Variants in PHF14 observed in about 807,000 individuals in gnomAD.
PHF14 encodes the protein PHD finger protein 14.
A neutral mutation model predicts 117.9 loss-of-function variants in PHF14; 55 were observed. The ratio of observed to expected loss-of-function variants is 0.47; its 90% confidence interval spans 0.38 to 0.58. PHF14 has a LOEUF of 0.58. Ranked by LOEUF, PHF14 falls within the 20% of genes least tolerant of loss-of-function variation. The pLI is 0.00. For missense variants in PHF14, 978 were observed against 1,122.2 expected (o/e 0.87, Z 1.84); for synonymous variants, 409 against 368.6 (o/e 1.11, Z -1.26).
At position 11,051,583 on chromosome 7, in the gene PHF14, C is replaced by A. The variant is rs751590109; in HGVS notation, c.2313-29C>A. ...TAAAGCCAGAAGATAATAATAAATG[C>A]ATGACTTAAATTTTTCCCCTTTATG... On this transcript the variant is annotated intron_variant, in intron 13 of 17. Coordinates refer to ENST00000634607, the MANE Select transcript of PHF14 (RefSeq NM_001007157.2). 1.9e-6 allele frequency: 3 copies of A among 1,574,340 alleles called. No homozygotes were observed. The Admixed American group carries it at 5.4e-5, about 29-fold the overall frequency.
At chr7:11,061,767 G>GTT (rs74274151) in intron 14 of PHF14, 24 bp from the exon 15 acceptor site, 912 of 1,151,454 alleles carry the variant, frequency 7.9e-4, no homozygotes, top group South Asian at 2.5e-3. Flanking sequence ...TTTGTTTTTT[G>GTT]TTTTTTTTTT....
chr7:11,151,446 C>T (rs1404391355), intron 17 of PHF14, among the ~76,000 whole-genome samples: 1 of 152,082 alleles, frequency 6.6e-6, no homozygotes, highest in Non-Finnish European at 1.5e-5. Flanking sequence ...ATAGTTCCAA[C>T]TACTTGGGGA....
intron 10 of PHF14, among the ~76,000 whole-genome samples, chr7:11,038,209 C>G (rs139941640): frequency 1.3e-5 from 2 of 151,840 alleles, no homozygotes; most frequent in South Asian, 2.1e-4. Flanking sequence ...GTCAAGAGAT[C>G]GAGACCATCC....
In PHF14 at chr7:11,035,800, G is replaced by T; in HGVS notation, c.1602+14G>T. ...CCAGAAGCACAGGTATGGGATTCAT[G>T]TCAAAACCCGTATGTTTTTGTTTTA... On this transcript the variant is annotated intron_variant, in intron 8 of 17. Coordinates refer to ENST00000634607, the MANE Select transcript of PHF14 (RefSeq NM_001007157.2). 1 of 1,561,546 alleles carries T rather than the reference G, an allele frequency of 6.4e-7. No homozygotes were observed. Among genetic ancestry groups the T allele is most frequent in the Non-Finnish European group, 8.7e-7 (1 of 1,151,306 alleles).
At position 11,054,023 on chromosome 7, in the gene PHF14, C is replaced by CA. The variant is rs879351207; in HGVS notation, c.2481+2255dup. Among the ~76,000 whole-genome samples, 1,198 of 140,824 alleles carry CA rather than the reference C, an allele frequency of 8.5e-3. 14 individuals carry two copies. The highest frequency in any genetic ancestry group is 0.023 in the African/African-American group (897 of 38,466). 92.4% of individuals were successfully genotyped at this position (140,824 alleles called of 152,430 possible). On this transcript the variant is annotated intron_variant, in intron 14 of 17. Coordinates refer to ENST00000634607, the MANE Select transcript of PHF14 (RefSeq NM_001007157.2). ...GAAATTCCAATGCATGTTGAAGCTC[C>CA]AAAAAAAAAAAATCCTAATATTTAG...
Position 11,169,432 on chromosome 7 carries a change from C to A in PHF14, c.2789C>A (p.Ala930Asp). ...SSSSKEDENE[A>D]ERKNISQELN... ...ATTTCACAGGAAGATGAAAATGAAG[C>A]TGAAAGAAAAAATATATCTCAGGAG... Residue 930 changes from alanine to aspartate, a missense_variant, in exon 18 of 18, where the codon GCT (alanine) becomes GAT (aspartate). Coordinates refer to ENST00000634607, the MANE Select transcript of PHF14 (RefSeq NM_001007157.2). 1 of 1,471,494 alleles carries A rather than the reference C, an allele frequency of 6.8e-7. No individual in the cohort carries two copies. Among genetic ancestry groups the A allele is most frequent in the Non-Finnish European group, 9.3e-7 (1 of 1,079,340 alleles). 91.2% of individuals were successfully genotyped at this position (1,471,494 alleles called of 1,614,324 possible). A position where few individuals can be genotyped will look rare whatever the true frequency, so the allele number is the denominator to read the frequency against.
At chr7:11,062,854 C>G in intron 16 of PHF14, 1 of 984,882 alleles carries the variant, frequency 1.0e-6, no homozygotes, top group South Asian at 4.7e-5. Flanking sequence ...GACAGTGTCA[C>G]AAAAGTTCTT....
At chr7:11,147,868 T>C (rs747791334) in intron 17 of PHF14, among the ~76,000 whole-genome samples, 1 of 152,166 alleles carries the variant, frequency 6.6e-6, no homozygotes, top group African/African-American at 2.4e-5. Context: ...AATGTTTGCC[T>C]GACATTCCCA....
At chr7:11,010,982 G>C (rs1783336099) in intron 4 of PHF14, among the ~76,000 whole-genome samples, 1 of 152,148 alleles carries the variant, frequency 6.6e-6, no homozygotes, top group Non-Finnish European at 1.5e-5. Flanking sequence ...AAAATTCACT[G>C]TTATAAAACC....
intron 14 of PHF14, among the ~76,000 whole-genome samples, chr7:11,056,569 T>G (rs891608613): frequency 6.6e-6 from 1 of 152,036 alleles, no homozygotes; most frequent in Non-Finnish European, 1.5e-5. Context: ...CCATTGGTTG[T>G]TTATTGGTAG....
chr7:11,051,660 T>A lies in PHF14; in HGVS notation c.2361T>A (p.Asp787Glu). 6.2e-7 allele frequency: 1 copy of A among 1,613,586 alleles called. No homozygotes were observed. The highest frequency in any genetic ancestry group is 8.5e-7 in the Non-Finnish European group (1 of 1,179,716). Residue 787 changes from aspartate to glutamate, a missense_variant, in exon 14 of 18, where the codon GAT (aspartate) becomes GAA (glutamate). Coordinates refer to ENST00000634607, the MANE Select transcript of PHF14 (RefSeq NM_001007157.2). The stretch of plus-strand genomic sequence containing the variant: ...CAGGGAGCAGTGACATGGAAGCAGA[T>A]ATGGCCATGGAAACCCTACCAGATG... Reference protein sequence around the residue: ...DQAGSSDMEADMAMETLPDGT... With the variant: ...DQAGSSDMEAEMAMETLPDGT...
intron 17 of PHF14, among the ~76,000 whole-genome samples, chr7:11,153,863 G>T (rs997294577): frequency 4.6e-5 from 7 of 152,088 alleles, no homozygotes; most frequent in Admixed American, 4.6e-4. Flanking sequence ...ATGGCCACAA[G>T]ATGGCTACAG....
At chr7:11,164,553 C>T (rs1789145392) in intron 17 of PHF14, among the ~76,000 whole-genome samples, 1 of 152,160 alleles carries the variant, frequency 6.6e-6, no homozygotes. Context: ...TGTTCCCATA[C>T]ATTTTACTTA....
intron 6 of PHF14, 121 bp from the exon 7 acceptor site, chr7:11,028,560 C>T: frequency 2.4e-6 from 2 of 850,516 alleles, no homozygotes; most frequent in Non-Finnish European, 3.7e-6. Context: ...TGTATTGGTA[C>T]ATAATTGGTT....
intron 16 of PHF14, among the ~76,000 whole-genome samples, chr7:11,090,455 G>T (rs553405492): frequency 6.6e-6 from 1 of 152,060 alleles, no homozygotes; most frequent in African/African-American, 2.4e-5. Context: ...TCCTTTTCAG[G>T]TTACTCATTT....
At chr7:11,136,103 CCTTT>C (rs1345579437) in intron 17 of PHF14, among the ~76,000 whole-genome samples, 3 of 152,048 alleles carry the variant, frequency 2.0e-5, no homozygotes, top group Admixed American at 6.6e-5. Flanking sequence ...AGCTTCTTGT[CCTTT>C]CTTCTATTTG....
chr7:11,019,103 G>A (rs1272546915), intron 5 of PHF14, among the ~76,000 whole-genome samples: 8 of 152,048 alleles, frequency 5.3e-5, no homozygotes, highest in Non-Finnish European at 1.0e-4. Context: ...TGGTCATAAT[G>A]ATCTTTCTAA....
intron 17 of PHF14, among the ~76,000 whole-genome samples, chr7:11,123,507 C>T (rs528897073): frequency 3.9e-5 from 6 of 152,034 alleles, no homozygotes; most frequent in Admixed American, 2.6e-4. Flanking sequence ...GTTGGCTGGG[C>T]GCAGTGGCTC....
intron 17 of PHF14, among the ~76,000 whole-genome samples, chr7:11,117,879 G>A (rs1360025720): frequency 6.6e-6 from 1 of 151,702 alleles, no homozygotes; most frequent in Non-Finnish European, 1.5e-5. Context: ...GCATAAAAAA[G>A]AGACTTTTAA....
Sources: gnomAD v4.1 joint callset for allele counts (sites outside exome capture counted in the v4.1 genomes callset) on GRCh38, gnomAD v4.1.1 for gene constraint, MANE v1.5 for transcripts, NCBI Gene and HGNC (gene_info 2026-07-23, HGNC 2026-07-21) for gene names.